POU5F1: variants seen among roughly 807,000 people sequenced by gnomAD.
POU5F1 encodes POU domain, class 5, transcription factor 1.
In POU5F1, 6 loss-of-function variants were observed where a neutral mutation model predicts 38.3. The observed-to-expected ratio is 0.16, with a 90% CI of 0.09 to 0.31. POU5F1 has a LOEUF of 0.31. Among genes scored for constraint, POU5F1 ranks in the 10% least tolerant of loss-of-function variants. The probability of loss-of-function intolerance (pLI) is 1.00; values close to 1 mark genes in which losing one functional copy is unlikely to be tolerated. For missense variants in POU5F1, 286 were observed against 462.6 expected (o/e 0.62, Z 3.50); for synonymous variants, 147 against 194.9 (o/e 0.75, Z 2.05).
At chr6:31,166,921 G>A (rs917183324) in intron 1 of POU5F1, 1 of 1,276,462 alleles carries the variant, frequency 7.8e-7, no homozygotes, top group Non-Finnish European at 1.0e-6. Flanking sequence ...CATAAGAATG[G>A]ATAAAGTGCT....
In POU5F1 at chr6:31,165,846, T is replaced by TCTGCCC. The variant is rs2151103949; in HGVS notation, c.526+75_526+80dup. On this transcript the variant is annotated intron_variant, in intron 2 of 4. Coordinates refer to ENST00000259915, the MANE Select transcript of POU5F1 (RefSeq NM_002701.6). The surrounding 1 kb of genome is among the most constrained non-coding windows in gnomAD (Gnocchi z 6.5). ...TACTCCTCTTCATGGGTGAGGGTAG[T>TCTGCCC]CTGCCCCTGCCCCTCCCCACTAGGT... 1 of 1,270,266 alleles carries TCTGCCC rather than the reference T, an allele frequency of 7.9e-7. No individual in the cohort carries two copies. The highest frequency in any genetic ancestry group is 1.7e-5 in the African/African-American group (1 of 59,972). The allele number at this position is 1,270,266 out of a possible 1,614,324, so 78.7% of individuals were successfully genotyped here.
chr6:31,167,136 C>T (rs1473749165), intron 1 of POU5F1: 1 of 419,464 alleles, frequency 2.4e-6, no homozygotes, highest in Non-Finnish European at 4.5e-6. Context: ...AAGTTGCCCA[C>T]TTGGATCTCT....
chr6:31,165,734 G>A lies in POU5F1; in HGVS notation c.527-33C>T. ...AGGCCAGTCAAAAGAGAAGCAAAGT[G>A]AGGGAGCACGCAGGGCCCTTGTGAC... On this transcript the variant is annotated intron_variant, in intron 2 of 4. Coordinates refer to ENST00000259915, the MANE Select transcript of POU5F1 (RefSeq NM_002701.6). The surrounding 1 kb of genome is among the most constrained non-coding windows in gnomAD (Gnocchi z 6.5). 2 of 1,590,266 alleles carry A rather than the reference G, an allele frequency of 1.3e-6. No homozygotes were observed. The highest frequency in any genetic ancestry group is 2.3e-5 in the South Asian group (2 of 88,316).
At chr6:31,166,490 C>T in intron 1 of POU5F1, 1 of 1,197,016 alleles carries the variant, frequency 8.4e-7, no homozygotes, top group Non-Finnish European at 1.1e-6. Context: ...GAAACCCCGT[C>T]TCTACTAAAA....
intron 1 of POU5F1, chr6:31,166,897 A>T (rs1314969939): frequency 1.5e-6 from 2 of 1,317,412 alleles, no homozygotes; most frequent in Non-Finnish European, 2.0e-6. Flanking sequence ...ACACAGCAAA[A>T]AAGTAACAGG....
chr6:31,165,491 G>C lies in POU5F1; in HGVS notation c.657+80C>G, dbSNP rs1328990245. 2.5e-6 allele frequency: 4 copies of C among 1,606,504 alleles called. No homozygotes were observed. The highest frequency in any genetic ancestry group is 2.7e-5 in the African/African-American group (2 of 74,762). On this transcript the variant is annotated intron_variant, in intron 3 of 4. Coordinates refer to ENST00000259915, the MANE Select transcript of POU5F1 (RefSeq NM_002701.6). The surrounding 1 kb of genome is among the most constrained non-coding windows in gnomAD (Gnocchi z 6.5). ...TGAGAACCACTGCACCAAAGACGGAGAGCTACGAGCCAGTGATGGAAGCAA... is the reference window on the plus strand; with the variant it reads ...TGAGAACCACTGCACCAAAGACGGACAGCTACGAGCCAGTGATGGAAGCAA...
chr6:31,165,862 C>A lies in POU5F1; in HGVS notation c.526+65G>T. The A allele has an allele frequency of 6.2e-7, 1 of 1,603,832 alleles. No homozygotes were observed. The highest frequency in any genetic ancestry group is 2.2e-5 in the East Asian group (1 of 44,462). On this transcript the variant is annotated intron_variant, in intron 2 of 4. Coordinates refer to ENST00000259915, the MANE Select transcript of POU5F1 (RefSeq NM_002701.6). This position sits in a 1 kb window ranked among gnomAD's most constrained non-coding sequence, Gnocchi z 6.5. ...TGAGGGTAGTCTGCCCCTGCCCCTC[C>A]CCACTAGGTTCAGGGATACTCCTTA...
At chr6:31,169,028 T>G (rs1026905526) in intron 1 of POU5F1, among the ~76,000 whole-genome samples, 1 of 152,204 alleles carries the variant, frequency 6.6e-6, no homozygotes, top group African/African-American at 2.4e-5. Flanking sequence ...AGCCAATAAC[T>G]CAAACTGATA....
chr6:31,167,663 G>A lies in POU5F1; in HGVS notation c.406-1616C>T, dbSNP rs192463225. 6.7e-3 allele frequency among the ~76,000 whole-genome samples: 1,010 copies of A among 151,626 alleles called. 6 individuals are homozygous for A. Among genetic ancestry groups the A allele is most frequent in the Non-Finnish European group, 0.011 (741 of 67,918 alleles). ...GTGGAGTTTGCAGTGAGCCAAGATC[G>A]CACCACTGCACTCCAGCCTGAGGGA... On this transcript the variant is annotated intron_variant, in intron 1 of 4. Coordinates refer to ENST00000259915, the MANE Select transcript of POU5F1 (RefSeq NM_002701.6).
intron 1 of POU5F1, 73 bp from the exon 2 acceptor site, chr6:31,166,120 A>G: frequency 6.2e-7 from 1 of 1,614,156 alleles, no homozygotes; most frequent in East Asian, 2.2e-5. Context: ...TCCATTCGGG[A>G]TTCAAGAACC....
At chr6:31,168,247 T>A (rs1363022352) in intron 1 of POU5F1, among the ~76,000 whole-genome samples, 1 of 151,262 alleles carries the variant, frequency 6.6e-6, no homozygotes, top group Non-Finnish European at 1.5e-5. Context: ...CCTTTTTTTT[T>A]TTTTTTTTTG....
chr6:31,168,999 T>C (rs1262748956), intron 1 of POU5F1, among the ~76,000 whole-genome samples: 1 of 152,234 alleles, frequency 6.6e-6, no homozygotes, highest in Non-Finnish European at 1.5e-5. Flanking sequence ...TAGGCTGTTT[T>C]CATCCCCAAC....
intron 1 of POU5F1, among the ~76,000 whole-genome samples, chr6:31,168,058 G>A (rs974762395): frequency 6.6e-6 from 1 of 151,934 alleles, no homozygotes; most frequent in African/African-American, 2.4e-5. Context: ...TTCTGCCTCA[G>A]CCGCCTGAGT....
rs201790772 is a variant in POU5F1 at position 31,170,357 on chromosome 6, G to A, written c.264C>T (p.Gly88=). ...CCTCAGGCTGAGAGGTCTCCAAGCCGCCTTGGGGCACTAGCCCCACTCCAA... is the reference window on the plus strand; with the variant it reads ...CCTCAGGCTGAGAGGTCTCCAAGCCACCTTGGGGCACTAGCCCCACTCCAA... ...PQVGVGLVPQ[G]GLETSQPEGE... Residue 88 remains glycine (G), a synonymous_variant, in exon 1 of 5, where the codon GGC becomes GGT. Coordinates refer to ENST00000259915, the MANE Select transcript of POU5F1 (RefSeq NM_002701.6). 2.9e-5 allele frequency: 46 copies of A among 1,612,556 alleles called. No individual in the cohort carries two copies. The highest frequency in any genetic ancestry group is 1.7e-4 in the Middle Eastern group (1 of 5,934).
rs1777147815 is a variant in POU5F1 at position 31,165,375 on chromosome 6, G to A, written c.658-89C>T. On this transcript the variant is annotated intron_variant, in intron 3 of 4. Coordinates refer to ENST00000259915, the MANE Select transcript of POU5F1 (RefSeq NM_002701.6). The surrounding 1 kb of genome is among the most constrained non-coding windows in gnomAD (Gnocchi z 6.5). ...GGGTCTGTGACTAGATGTGTCAGCAGAGCCAGGTGGTGGTGTGAAAAGGCA... is the reference window on the plus strand; with the variant it reads ...GGGTCTGTGACTAGATGTGTCAGCAAAGCCAGGTGGTGGTGTGAAAAGGCA... 2 of 1,567,824 alleles carry A rather than the reference G, an allele frequency of 1.3e-6. No homozygotes were observed. Among genetic ancestry groups the A allele is most frequent in the African/African-American group, 1.4e-5 (1 of 74,006 alleles).
chr6:31,169,866 TG>T (rs1582046023), intron 1 of POU5F1: 8 of 415,184 alleles, frequency 1.9e-5, no homozygotes. Context: ...CTGGGTCTGG[TG>T]CTGGGCCAGT....
intron 1 of POU5F1, chr6:31,166,783 T>C (rs1777294068): frequency 8.5e-7 from 1 of 1,183,352 alleles, no homozygotes; most frequent in Non-Finnish European, 1.1e-6. Flanking sequence ...TCTGGGTTAA[T>C]TAAAAAGGAA....
rs1219394301 is a variant in POU5F1 at position 31,170,451 on chromosome 6, A to G, written c.170T>C (p.Val57Ala). 6.2e-7 allele frequency: 1 copy of G among 1,609,200 alleles called. No individual in the cohort carries two copies. The highest frequency in any genetic ancestry group is 8.5e-7 in the Non-Finnish European group (1 of 1,178,678). The change falls in exon 1 of 5, where the codon GTG becomes GCG. Residue 57 changes from valine (V) to alanine (A), a missense_variant. Physicochemically the swap from Val to Ala is moderately conservative, Grantham distance 64. This residue lies in a region of POU5F1 where 176 missense variants were observed against 184.8 expected (regional missense o/e 0.95). Transcript: ENST00000259915. ...IGPGVGPGSE[V>A]WGIPPCPPPY... ...CGGGGGGCATGGGGGAATCCCCCACACCTCAGAGCCTGGCCCAACCCCCGG... is the reference window on the plus strand; with the variant it reads ...CGGGGGGCATGGGGGAATCCCCCACGCCTCAGAGCCTGGCCCAACCCCCGG...
rs768746587 is a variant in POU5F1, at chr6:31,165,136, C to T, written c.808G>A (p.Glu270Lys). The T allele has an allele frequency of 1.9e-6, 3 of 1,608,364 alleles. No homozygotes were observed. Among genetic ancestry groups the T allele is most frequent in the South Asian group, 2.2e-5 (2 of 90,252 alleles). The change falls in exon 4 of 5, where the codon GAG (glutamate) becomes AAG (lysine). Residue 270 changes from glutamate (E) to lysine (K), a missense_variant. Transcript: ENST00000259915. This position sits in a 1 kb window ranked among gnomAD's most constrained non-coding sequence, Gnocchi z 6.5. ...ISHIAQQLGL[E>K]KDVVRVWFCN... The stretch of plus-strand genomic sequence containing the variant: ...AGAGACATGGCACTCACATCCTTCT[C>T]GAGCCCAAGCTGCTGGGCGATGTGG...
Sources: allele counts gnomAD v4.1 joint callset (sites outside exome capture counted in the v4.1 genomes callset), GRCh38; gene constraint gnomAD v4.1.1; regional missense constraint gnomAD v4.1.1; non-coding constraint Gnocchi (gnomAD v3.1); transcripts MANE v1.5; gene names NCBI Gene and HGNC (gene_info 2026-07-23, HGNC 2026-07-21).